Variants in UGT1A10 observed in about 807,000 individuals in gnomAD.
The protein encoded by UGT1A10 is UDP glucuronosyltransferase family 1 member A10.
A neutral mutation model predicts 45.8 loss-of-function variants in UGT1A10; 49 were observed. The observed-to-expected ratio is 1.07, with a 90% CI of 0.85 to 1.36. UGT1A10 has a LOEUF of 1.36. Among genes scored for constraint, UGT1A10 ranks in the 40% most tolerant of loss-of-function variants. UGT1A10 has a pLI of 0.00. For synonymous variants in UGT1A10, 284 were observed against 249.7 expected (o/e 1.14, Z -1.29); for missense variants, 745 against 668.6 (o/e 1.11, Z -1.26).
chr2:233,643,217 T>C (rs2073504163), intron 1 of UGT1A10, among the ~76,000 whole-genome samples: 1 of 152,140 alleles, frequency 6.6e-6, no homozygotes, highest in South Asian at 2.1e-4. Flanking sequence ...ACCTTAGCAT[T>C]CCACCTGGTA....
At chr2:233,731,174 T>A (rs1363213399) in intron 1 of UGT1A10, among the ~76,000 whole-genome samples, 2 of 152,202 alleles carry the variant, frequency 1.3e-5, no homozygotes, top group Admixed American at 6.5e-5. Context: ...ATGATTTTTT[T>A]ATGCAATGTA....
chr2:233,755,338 G>C (rs569505432), intron 1 of UGT1A10: 1 of 431,822 alleles, frequency 2.3e-6, no homozygotes, highest in East Asian at 7.3e-5. Flanking sequence ...CCCGCGCACA[G>C]GTCAGAGGCT....
chr2:233,722,351 T>C (rs991919579), intron 1 of UGT1A10, among the ~76,000 whole-genome samples: 1 of 152,240 alleles, frequency 6.6e-6, no homozygotes, highest in African/African-American at 2.4e-5. Context: ...TTTCTACAAA[T>C]ATACAAGACT....
At chr2:233,724,313 C>A (rs1238022468) in intron 1 of UGT1A10, among the ~76,000 whole-genome samples, 22 of 136,830 alleles carry the variant, frequency 1.6e-4, no homozygotes, top group Non-Finnish European at 2.9e-4. Context: ...CCCTCCCGGA[C>A]GGGGCGGCTG....
At chr2:233,752,950 A>G (rs1198772139) in intron 1 of UGT1A10, among the ~76,000 whole-genome samples, 1 of 152,220 alleles carries the variant, frequency 6.6e-6, no homozygotes, top group Non-Finnish European at 1.5e-5. Context: ...ACCACTGAAC[A>G]ATGGGATTTA....
At chr2:233,761,294 G>A in intron 1 of UGT1A10, 1 of 1,510,470 alleles carries the variant, frequency 6.6e-7, no homozygotes, top group East Asian at 2.3e-5. Context: ...TGACTCCTAG[G>A]TTTGAGTCTG....
intron 1 of UGT1A10, chr2:233,755,178 T>C: frequency 8.1e-7 from 1 of 1,236,812 alleles, no homozygotes; most frequent in Non-Finnish European, 1.1e-6. Flanking sequence ...TTTGTCGGGG[T>C]GCCACTTGAG....
intron 1 of UGT1A10, among the ~76,000 whole-genome samples, chr2:233,666,151 G>T (rs1220595658): frequency 6.6e-6 from 1 of 152,174 alleles, no homozygotes; most frequent in East Asian, 1.9e-4. Context: ...AGAGAAGCAA[G>T]AGAAAAAGGA....
At chr2:233,693,140 G>A in intron 1 of UGT1A10, 1 of 1,614,230 alleles carries the variant, frequency 6.2e-7, no homozygotes, top group South Asian at 1.1e-5. Flanking sequence ...GAAGGATATA[G>A]TTGAGGTTCT....
At chr2:233,734,101 TATA>T (rs549143261) in intron 1 of UGT1A10, among the ~76,000 whole-genome samples, 12 of 151,314 alleles carry the variant, frequency 7.9e-5, no homozygotes, top group South Asian at 4.2e-4. Flanking sequence ...AAACTTAAAG[TATA>T]ATAATAATAA....
At chr2:233,689,698 T>C (rs894991640) in intron 1 of UGT1A10, among the ~76,000 whole-genome samples, 55 of 152,202 alleles carry the variant, frequency 3.6e-4, no homozygotes, top group African/African-American at 1.3e-3. Flanking sequence ...TCAGTCGTTA[T>C]TTCCCCTTAT....
chr2:233,694,162 A>G (rs2075203052), intron 1 of UGT1A10, among the ~76,000 whole-genome samples: 1 of 152,214 alleles, frequency 6.6e-6, no homozygotes, highest in South Asian at 2.1e-4. Context: ...CAGTTCAAAC[A>G]GAGGTGAAGG....
In UGT1A10 at chr2:233,692,887, G is replaced by A. The variant is rs564129992; in HGVS notation, c.855+55510G>A. 4.6e-6 allele frequency: 7 copies of A among 1,518,050 alleles called. No individual in the cohort carries two copies. The South Asian group carries it at 5.5e-5, about 12-fold the overall frequency. 94.0% of individuals were successfully genotyped at this position (1,518,050 alleles called of 1,614,324 possible). ...TATCAAAGGGTAAAATTCAGAGCAAGGGAGAGGTAGACAGGACCTGTGAAA... is the reference window on the plus strand; with the variant it reads ...TATCAAAGGGTAAAATTCAGAGCAAAGGAGAGGTAGACAGGACCTGTGAAA... On this transcript the variant is annotated intron_variant, in intron 1 of 4. Coordinates refer to ENST00000344644, the MANE Select transcript of UGT1A10 (RefSeq NM_019075.4).
intron 1 of UGT1A10, among the ~76,000 whole-genome samples, chr2:233,653,845 T>G (rs1580064): frequency 1.3e-5 from 2 of 152,224 alleles, no homozygotes; most frequent in Non-Finnish European, 2.9e-5. Flanking sequence ...GATCTGCCCT[T>G]CTCAGCCTCC....
At position 233,648,326 on chromosome 2, in the gene UGT1A10, C is replaced by T. The variant is rs1001419829; in HGVS notation, c.855+10949C>T. ...GTTGCCAAATATTTCTCCCTCCTCT[C>T]GGTGGTCTTCGCCAGAGGAATACTT... On this transcript the variant is annotated intron_variant, in intron 1 of 4. Transcript: ENST00000344644. The T allele has an allele frequency of 3.6e-5, 18 of 499,552 alleles. 1 individual carries two copies. The highest frequency in any genetic ancestry group is 7.9e-5 in the South Asian group (4 of 50,942). The allele number at this position is 499,552 out of a possible 1,614,324, so 30.9% of individuals were successfully genotyped here. A position where few individuals can be genotyped will look rare whatever the true frequency, so the allele number is the denominator to read the frequency against.
chr2:233,748,954 C>G (rs1349169273), intron 1 of UGT1A10, among the ~76,000 whole-genome samples: 2 of 151,646 alleles, frequency 1.3e-5, no homozygotes, highest in Non-Finnish European at 2.9e-5. Context: ...TATCCCACTC[C>G]AAGTTTCTAT....
chr2:233,697,900 A>C (rs1250701984), intron 1 of UGT1A10, among the ~76,000 whole-genome samples: 4 of 152,230 alleles, frequency 2.6e-5, no homozygotes, highest in Non-Finnish European at 5.9e-5. Flanking sequence ...AATCAAATCT[A>C]TTGACTCCTT....
At chr2:233,730,735 G>A (rs1037091205) in intron 1 of UGT1A10, among the ~76,000 whole-genome samples, 2 of 152,096 alleles carry the variant, frequency 1.3e-5, no homozygotes, top group African/African-American at 2.4e-5. Flanking sequence ...ATGGCGGAAG[G>A]GGCTAGGGAG....
chr2:233,676,291 C>A (rs2074354291), intron 1 of UGT1A10, among the ~76,000 whole-genome samples: 1 of 152,174 alleles, frequency 6.6e-6, no homozygotes, highest in Non-Finnish European at 1.5e-5. Flanking sequence ...AGGGGTCCTG[C>A]AAATATTTTC....
Sources: gnomAD v4.1 joint callset for allele counts (sites outside exome capture counted in the v4.1 genomes callset) on GRCh38, gnomAD v4.1.1 for gene constraint, MANE v1.5 for transcripts, NCBI Gene and HGNC (gene_info 2026-07-23, HGNC 2026-07-21) for gene names.